NARS2: variants seen among roughly 807,000 people sequenced by gnomAD.
NARS2 encodes the protein asparaginyl-tRNA synthetase 2, mitochondrial.
NARS2 carries 60 observed loss-of-function variants against 62.9 expected under a neutral mutation model. That is an observed-to-expected ratio of 0.95 (90% confidence interval 0.77 to 1.18). NARS2 has a LOEUF of 1.18. NARS2 is among the 50% of genes most tolerant of loss of function. The pLI is 0.00. For missense variants in NARS2, 619 were observed against 576.4 expected (o/e 1.07, Z -0.76); for synonymous variants, 196 against 200.0 (o/e 0.98, Z 0.17).
chr11:78,449,240 A>G (rs1278631117), intron 11 of NARS2, among the ~76,000 whole-genome samples: 2 of 141,622 alleles, frequency 1.4e-5, no homozygotes, highest in East Asian at 4.2e-4. Flanking sequence ...GGTTCATGCT[A>G]TTCTCCTGCC....
Position 78,469,289 on chromosome 11 carries a change from C to T in NARS2, c.984G>A (p.Glu328=). 1 of 1,613,450 alleles carries T rather than the reference C, an allele frequency of 6.2e-7. No homozygotes were observed. The highest frequency in any genetic ancestry group is 8.5e-7 in the Non-Finnish European group (1 of 1,179,540). ...FLIISYTEAV[E]ILKQASQNFT... ...AGTTCTGGGATGCTTGCTTTAAGAT[C>T]TCCACTGCTTCAGTATAAGAAATGC... Residue 328 remains glutamate (E), a synonymous_variant, in exon 10 of 14, where the codon GAG becomes GAA. Transcript: ENST00000281038.
Position 78,436,541 on chromosome 11 carries a change from A to G in NARS2, c.*129T>C, listed in dbSNP as rs973128003. The G allele has an allele frequency of 2.3e-5, 25 of 1,107,140 alleles. No homozygotes were observed. The highest frequency in any genetic ancestry group is 3.1e-5 in the Non-Finnish European group (24 of 782,810). The allele number at this position is 1,107,140 out of a possible 1,614,324, so 68.6% of individuals were successfully genotyped here. On this transcript the variant is annotated 3_prime_UTR_variant, in exon 14 of 14. Coordinates refer to ENST00000281038, the MANE Select transcript of NARS2 (RefSeq NM_024678.6). ...CACAACCACTTATATTTTTTCTATGATATCTTATGGCACAACAATTACATA... is the reference window on the plus strand; with the variant it reads ...CACAACCACTTATATTTTTTCTATGGTATCTTATGGCACAACAATTACATA...
chr11:78,489,963 C>T (rs1164317747), intron 7 of NARS2, among the ~76,000 whole-genome samples: 3 of 151,984 alleles, frequency 2.0e-5, no homozygotes, highest in African/African-American at 7.3e-5. Context: ...ACTTGAGCCC[C>T]AGGAGTTCAT....
intron 6 of NARS2, among the ~76,000 whole-genome samples, chr11:78,502,389 A>T (rs768479783): frequency 4.6e-5 from 7 of 152,224 alleles, no homozygotes; most frequent in Non-Finnish European, 8.8e-5. Context: ...GTGCACAAGC[A>T]CCCCTGGTAT....
chr11:78,478,360 T>A (rs1346561855), intron 9 of NARS2, 78 bp downstream of exon 9: 8 of 596,664 alleles, frequency 1.3e-5, no homozygotes, highest in East Asian at 4.0e-5. Flanking sequence ...TAAGCAGATA[T>A]AAATTTAAAA....
intron 6 of NARS2, among the ~76,000 whole-genome samples, chr11:78,494,756 GAAAAA>G (rs1174054423): frequency 1.3e-5 from 2 of 152,022 alleles, no homozygotes; most frequent in African/African-American, 4.8e-5. Flanking sequence ...AGAATGTTTT[GAAAAA>G]GACTAAACCT....
chr11:78,471,719 G>A (rs982978097), intron 9 of NARS2, among the ~76,000 whole-genome samples: 1 of 125,548 alleles, frequency 8.0e-6, no homozygotes. Flanking sequence ...AGAGTGTGAT[G>A]TTCCCCTTCC....
chr11:78,439,410 ATAAGCTTGCT>A (rs968862995), intron 13 of NARS2, among the ~76,000 whole-genome samples: 6 of 152,126 alleles, frequency 3.9e-5, no homozygotes, highest in African/African-American at 1.2e-4. Flanking sequence ...TATAAAATAC[ATAAGCTTGCT>A]CAATCATCAG....
chr11:78,515,686 TAA>T (rs113972804), intron 6 of NARS2, among the ~76,000 whole-genome samples: 3 of 139,000 alleles, frequency 2.2e-5, no homozygotes, highest in African/African-American at 2.6e-5. Context: ...CCTGGCTGAT[TAA>T]AAAAAAAAAA....
intron 10 of NARS2, among the ~76,000 whole-genome samples, chr11:78,468,019 T>A (rs1858695283): frequency 6.6e-6 from 1 of 150,488 alleles, no homozygotes; most frequent in African/African-American, 2.5e-5. Flanking sequence ...TATACAATCT[T>A]TGTTTATCAA....
rs567587616 is a variant in NARS2 at position 78,493,873 on chromosome 11, C to G, written c.690-678G>C. On this transcript the variant is annotated intron_variant, in intron 6 of 13. Transcript: ENST00000281038. ...AAGAACAAAGTAAAGAAAAAAACAC[C>G]GCAGCCCAAGAAACCCCACAGAAAA... 2.0e-5 allele frequency among the ~76,000 whole-genome samples: 3 copies of G among 151,918 alleles called. No individual in the cohort carries two copies. The East Asian group carries it at 5.8e-4, about 29-fold the overall frequency.
At chr11:78,534,788 T>A (rs1861610743) in intron 5 of NARS2, among the ~76,000 whole-genome samples, 1 of 152,060 alleles carries the variant, frequency 6.6e-6, no homozygotes, top group African/African-American at 2.4e-5. Context: ...CGAATTGAAG[T>A]AGGACCTGGA....
chr11:78,436,424 G>A lies in NARS2; in HGVS notation c.*246C>T, dbSNP rs180985602. 488 of 404,148 alleles carry A rather than the reference G, an allele frequency of 1.2e-3. No homozygotes were observed. The highest frequency in any genetic ancestry group is 9.2e-3 in the African/African-American group (454 of 49,134). 25.0% of individuals were successfully genotyped at this position (404,148 alleles called of 1,614,324 possible). On this transcript the variant is annotated 3_prime_UTR_variant, in exon 14 of 14. Transcript: ENST00000281038. ...AATTCAATTTCTTCATTTCTTAATT[G>A]AGGTAATGGATTTGAGAGTCCCCTT...
intron 11 of NARS2, among the ~76,000 whole-genome samples, chr11:78,453,404 T>C (rs1198076776): frequency 6.6e-6 from 1 of 152,094 alleles, no homozygotes; most frequent in Non-Finnish European, 1.5e-5. Context: ...CACTCCCTTC[T>C]GACTCTTTGA....
chr11:78,489,256 C>G (rs991749835), intron 7 of NARS2, among the ~76,000 whole-genome samples: 1 of 151,938 alleles, frequency 6.6e-6, no homozygotes, highest in Non-Finnish European at 1.5e-5. Context: ...AAAAAACAAG[C>G]AAGCCATATG....
chr11:78,555,094 T>C (rs1215297507), intron 5 of NARS2: 1 of 152,232 alleles, frequency 6.6e-6, no homozygotes, highest in East Asian at 1.9e-4. Flanking sequence ...TACTTCATGG[T>C]GGATTAAATT....
chr11:78,462,786 T>C (rs1371990994), intron 11 of NARS2, among the ~76,000 whole-genome samples: 1 of 152,124 alleles, frequency 6.6e-6, no homozygotes, highest in Non-Finnish European at 1.5e-5. Flanking sequence ...GCTGTATTAA[T>C]ACAAAATGAA....
intron 11 of NARS2, among the ~76,000 whole-genome samples, chr11:78,453,511 C>T (rs998885029): frequency 9.2e-5 from 14 of 152,050 alleles, no homozygotes; most frequent in East Asian, 1.9e-4. Flanking sequence ...ACCTTGTCCA[C>T]GCTAAAGCTG....
intron 11 of NARS2, among the ~76,000 whole-genome samples, chr11:78,448,190 T>C (rs1455432042): frequency 6.6e-6 from 1 of 152,062 alleles, no homozygotes; most frequent in Non-Finnish European, 1.5e-5. Flanking sequence ...TTATTATATA[T>C]ATGAAACAAT....
Sources: allele counts gnomAD v4.1 joint callset (sites outside exome capture counted in the v4.1 genomes callset), GRCh38; gene constraint gnomAD v4.1.1; transcripts MANE v1.5; gene names NCBI Gene and HGNC (gene_info 2026-07-23, HGNC 2026-07-21).